Variants in RHBDF2 observed in about 807,000 individuals in gnomAD.
RHBDF2 encodes inactive rhomboid protein 2.
A neutral mutation model predicts 95.2 loss-of-function variants in RHBDF2; 38 were observed. The ratio of observed to expected loss-of-function variants is 0.40; its 90% CI spans 0.31 to 0.52. The LOEUF is 0.52. Ranked by LOEUF, RHBDF2 falls within the 20% of genes least tolerant of loss-of-function variation. The probability of loss-of-function intolerance (pLI) is 0.56; values close to 1 mark genes in which losing one functional copy is unlikely to be tolerated. For synonymous variants in RHBDF2, 442 were observed against 462.0 expected, an observed-to-expected ratio of 0.96 and a Z score of 0.55; for missense variants, 863 against 1,137.7, an observed-to-expected ratio of 0.76 and a Z score of 3.47.
intron 4 of RHBDF2, 176 bp from the exon 5 acceptor site, chr17:76,479,453 G>C (rs543263575): frequency 1.0e-6 from 1 of 987,534 alleles, no homozygotes; most frequent in East Asian, 2.6e-5. Context: ...AGCAGGGGAT[G>C]ACGGGAGCGT....
At chr17:76,484,237 T>TG (rs1348919631) in intron 2 of RHBDF2, among the ~76,000 whole-genome samples, 3 of 152,078 alleles carry the variant, frequency 2.0e-5, no homozygotes, top group Admixed American at 6.6e-5. Context: ...CACTCCAGCC[T>TG]GGGCAACAAG....
At chr17:76,497,387 G>A (rs2074452762) in intron 1 of RHBDF2, among the ~76,000 whole-genome samples, 1 of 152,108 alleles carries the variant, frequency 6.6e-6, no homozygotes, top group East Asian at 1.9e-4. Flanking sequence ...ATGCCCAGAT[G>A]GAAACCCACC....
At position 76,485,512 on chromosome 17, in the gene RHBDF2, G is replaced by A. The variant is rs188022333; in HGVS notation, c.-22+2200C>T. On this transcript the variant is annotated intron_variant, in intron 2 of 18. Transcript: ENST00000675367. ...CAGGAGAATCACTTGAACCCAGGAC[G>A]GGGGGTGTGGTTACAGTGAGCCGAG... 8.6e-5 allele frequency among the ~76,000 whole-genome samples: 13 copies of A among 151,540 alleles called. No homozygotes were observed. In the East Asian group the frequency reaches 1.2e-3, roughly 14 times the overall value.
At position 76,472,035 on chromosome 17, in the gene RHBDF2, T is replaced by C; in HGVS notation, c.2082A>G (p.Ser694=). The part of the protein sequence containing the change: ...PYRAEVGPAG[S]QFGLLACLFV... ...AGAGGCAGGCGAGGAGGCCGAACTGTGAGCCGGCCGGGCCCACCTGGGGCG... is the reference window on the plus strand; with the variant it reads ...AGAGGCAGGCGAGGAGGCCGAACTGCGAGCCGGCCGGGCCCACCTGGGGCG... Residue 694 remains serine (S), a synonymous_variant, in exon 19 of 19, where the codon TCA becomes TCG. Transcript: ENST00000675367. The C allele has an allele frequency of 2.6e-6, 4 of 1,566,186 alleles. No individual in the cohort carries two copies. In the Admixed American group the frequency reaches 5.7e-5, roughly 22 times the overall value.
chr17:76,485,866 T>A (rs1053110320), intron 2 of RHBDF2, among the ~76,000 whole-genome samples: 2 of 152,150 alleles, frequency 1.3e-5, no homozygotes, highest in African/African-American at 4.8e-5. Flanking sequence ...CCAGTCACGA[T>A]GGCCACCTCT....
At position 76,481,565 on chromosome 17, in the gene RHBDF2, A is replaced by G. The variant is rs1050219284; in HGVS notation, c.-21-20T>C. On this transcript the variant is annotated intron_variant, in intron 2 of 18. Coordinates refer to ENST00000675367, the MANE Select transcript of RHBDF2 (RefSeq NM_001005498.4). The stretch of plus-strand genomic sequence containing the variant: ...GGAGGGCTGGAATGGAGACCGGGAG[A>G]GCAGCGGTGGGCGGTGCGGGGTGGC... 2 of 1,592,676 alleles carry G rather than the reference A, an allele frequency of 1.3e-6. No homozygotes were observed. The highest frequency in any genetic ancestry group is 1.7e-6 in the Non-Finnish European group (2 of 1,173,800).
Position 76,481,404 on chromosome 17 carries a change from G to A in RHBDF2, c.121C>T (p.Pro41Ser), listed in dbSNP as rs1416026025. ...IPPPEKETQA[P>S]GEQDSMLPER... ...GGCAGCATGCTGTCCTGCTCGCCAG[G>A]GGCCTGGGTCTCTTTCTCGGGTGGC... is the stretch of plus-strand genomic sequence containing the variant. The change falls in exon 3 of 19, where the codon CCT (proline) becomes TCT (serine). Residue 41 changes from proline to serine, a missense_variant. Pro to Ser is a moderately conservative substitution (Grantham distance 74, BLOSUM62 -1). Around this residue, in one of 2 missense-constraint regions of RHBDF2, gnomAD observed 611 missense variants for 725.5 expected, o/e 0.84. Transcript: ENST00000675367. The A allele has an allele frequency of 6.2e-7, 1 of 1,612,676 alleles. No individual in the cohort carries two copies. Among genetic ancestry groups the A allele is most frequent in the Non-Finnish European group, 8.5e-7 (1 of 1,180,000 alleles).
rs1359193278 is a variant in RHBDF2 at position 76,475,096 on chromosome 17, C to T, written c.1161G>A (p.Thr387=). ...TGCCATACGTGCAAATCACCAGCAG[C>T]GTGATGATGACATGGACGAAGGTCA... ...YWLTFVHVII[T]LLVICTYGIA... Residue 387 remains threonine (T), a synonymous_variant, in exon 10 of 19, where the codon ACG becomes ACA. Coordinates refer to ENST00000675367, the MANE Select transcript of RHBDF2 (RefSeq NM_001005498.4). 6 of 1,600,944 alleles carry T rather than the reference C, an allele frequency of 3.7e-6. No individual in the cohort carries two copies. Among genetic ancestry groups the T allele is most frequent in the Middle Eastern group, 1.6e-4 (1 of 6,070 alleles).
In RHBDF2 at chr17:76,471,936, C is replaced by T; in HGVS notation, c.2181G>A (p.Val727=). Residue 727 remains valine, a synonymous_variant, in exon 19 of 19, where the codon GTG becomes GTA. Coordinates refer to ENST00000675367, the MANE Select transcript of RHBDF2 (RefSeq NM_001005498.4). ...WKAFLNLSAI[V]LFLFICGLLP... is the part of the protein sequence containing the mutation. ...GGAGGCCACAGATGAACAGGAAGAG[C>T]ACGATGGCCGAGAGGTTGAGGAAGG... 1 of 1,571,886 alleles carries T rather than the reference C, an allele frequency of 6.4e-7. No homozygotes were observed. The highest frequency in any genetic ancestry group is 2.3e-5 in the East Asian group (1 of 42,984).
At chr17:76,477,411 T>C (rs2073809085) in intron 7 of RHBDF2, 113 bp from the exon 8 acceptor site, 4 of 1,352,566 alleles carry the variant, frequency 3.0e-6, no homozygotes, top group Admixed American at 2.6e-5. Context: ...TCACAATGAA[T>C]TGGGAAGCCA....
At position 76,474,466 on chromosome 17, in the gene RHBDF2, C is replaced by T. The variant is rs142058844; in HGVS notation, c.1371G>A (p.Leu457=). ...GCTCCAGGTCTCGCTCGCGCAGCACCAGCTGCTCGATCTGCCCGTCCTTCC... is the reference window on the plus strand; with the variant it reads ...GCTCCAGGTCTCGCTCGCGCAGCACTAGCTGCTCGATCTGCCCGTCCTTCC... ...CIRKDGQIEQ[L]VLRERDLERD... The change falls in exon 12 of 19, where the codon CTG becomes CTA. Residue 457 remains leucine, a synonymous_variant. Transcript: ENST00000675367. 2.1e-5 allele frequency: 34 copies of T among 1,614,030 alleles called. 1 individual carries two copies. The highest frequency in any genetic ancestry group is 2.8e-5 in the Non-Finnish European group (33 of 1,180,008).
chr17:76,471,266 T>G lies in RHBDF2; in HGVS notation c.*367A>C. ...CAGCAAGGGCACGCTCCAGTAGTAG[T>G]GGGGGAGAAGGCACCAGCAGAGGCA... On this transcript the variant is annotated 3_prime_UTR_variant, in exon 19 of 19. Coordinates refer to ENST00000675367, the MANE Select transcript of RHBDF2 (RefSeq NM_001005498.4). 4.4e-6 allele frequency: 1 copy of G among 226,710 alleles called. No individual in the cohort carries two copies. Among genetic ancestry groups the G allele is most frequent in the Non-Finnish European group, 8.7e-6 (1 of 114,442 alleles). The allele number at this position is 226,710 out of a possible 1,614,324, so 14.0% of individuals were successfully genotyped here.
In RHBDF2 at chr17:76,471,927, C is replaced by T. The variant is rs748278517; in HGVS notation, c.2190G>A (p.Leu730=). ...FLNLSAIVLF[L]FICGLLPWID... ...TCCAGGGCAGGAGGCCACAGATGAA[C>T]AGGAAGAGCACGATGGCCGAGAGGT... Residue 730 remains leucine (L), a synonymous_variant, in exon 19 of 19, where the codon CTG becomes CTA. Coordinates refer to ENST00000675367, the MANE Select transcript of RHBDF2 (RefSeq NM_001005498.4). 9 of 1,573,826 alleles carry T rather than the reference C, an allele frequency of 5.7e-6. No individual in the cohort carries two copies. In the African/African-American group the frequency reaches 1.2e-4, roughly 21 times the overall value.
intron 1 of RHBDF2, among the ~76,000 whole-genome samples, chr17:76,491,847 C>T (rs993774362): frequency 1.4e-4 from 22 of 152,228 alleles, no homozygotes; most frequent in African/African-American, 4.1e-4. Context: ...GTCCAGATGG[C>T]AGGAACCAGA....
At chr17:76,488,845 G>A (rs2074218434) in intron 1 of RHBDF2, among the ~76,000 whole-genome samples, 2 of 152,172 alleles carry the variant, frequency 1.3e-5, no homozygotes, top group Admixed American at 1.3e-4. Context: ...CTACTCAGGA[G>A]GCTGAGGCAG....
At chr17:76,497,529 C>T (rs530804429) in intron 1 of RHBDF2, among the ~76,000 whole-genome samples, 16 of 152,056 alleles carry the variant, frequency 1.1e-4, no homozygotes, top group Admixed American at 4.6e-4. Context: ...GCCCACGAGG[C>T]AGGGCCTCGG....
intron 1 of RHBDF2, among the ~76,000 whole-genome samples, chr17:76,499,730 A>T (rs560764325): frequency 6.6e-6 from 1 of 152,300 alleles, no homozygotes; most frequent in African/African-American, 2.4e-5. Context: ...ACATGGTATC[A>T]GGCAACCATG....
chr17:76,495,528 G>A (rs142220678), intron 1 of RHBDF2, among the ~76,000 whole-genome samples: 110 of 152,348 alleles, frequency 7.2e-4, no homozygotes, highest in African/African-American at 2.5e-3. Context: ...TAAGATCTAT[G>A]TGACTTTGTC....
chr17:76,490,531 G>C (rs1222622421), intron 1 of RHBDF2, among the ~76,000 whole-genome samples: 1 of 152,148 alleles, frequency 6.6e-6, no homozygotes, highest in Non-Finnish European at 1.5e-5. Context: ...AGAGGGCATG[G>C]GGAGGGCACT....
Sources: allele counts gnomAD v4.1 joint callset (sites outside exome capture counted in the v4.1 genomes callset), GRCh38; gene constraint gnomAD v4.1.1; regional missense constraint gnomAD v4.1.1; transcripts MANE v1.5; gene names NCBI Gene and HGNC (gene_info 2026-07-23, HGNC 2026-07-21).